Variants in DTNBP1 observed in about 807,000 individuals in gnomAD.
DTNBP1 encodes dystrobrevin binding protein 1.
A neutral mutation model predicts 42.8 loss-of-function variants in DTNBP1; 35 were observed. The ratio of observed to expected loss-of-function variants is 0.82; its 90% CI spans 0.63 to 1.09. The LOEUF is 1.09. Ranked by LOEUF, DTNBP1 falls within the 50% of genes least tolerant of loss-of-function variation. DTNBP1 has a pLI of 0.00. For missense variants in DTNBP1, 457 were observed against 424.2 expected (o/e 1.08, Z -0.68); for synonymous variants, 171 against 162.2 (o/e 1.05, Z -0.41).
At chr6:15,646,776 C>T (rs1449758888) in intron 3 of DTNBP1, among the ~76,000 whole-genome samples, 1 of 152,004 alleles carries the variant, frequency 6.6e-6, no homozygotes, top group Non-Finnish European at 1.5e-5. Context: ...GGAAAGGACA[C>T]CCTATTCAAT....
chr6:15,592,337 G>C (rs1457906502), intron 7 of DTNBP1, among the ~76,000 whole-genome samples: 1 of 152,202 alleles, frequency 6.6e-6, no homozygotes, highest in Non-Finnish European at 1.5e-5. Flanking sequence ...AATCTCTCGA[G>C]AATAGGATTT....
At chr6:15,540,186 G>A (rs561460734) in intron 7 of DTNBP1, among the ~76,000 whole-genome samples, 2 of 151,224 alleles carry the variant, frequency 1.3e-5, no homozygotes, top group Admixed American at 6.6e-5. Flanking sequence ...AATTTAGAGT[G>A]TACTCGTAAG....
intron 7 of DTNBP1, 176 bp from the exon 8 acceptor site, chr6:15,533,571 T>G: frequency 2.9e-6 from 3 of 1,027,852 alleles, no homozygotes; most frequent in Non-Finnish European, 4.5e-6. Flanking sequence ...TCTGCTGCAC[T>G]TCCTCCCCCT....
intron 6 of DTNBP1, among the ~76,000 whole-genome samples, chr6:15,594,079 A>T (rs955596109): frequency 6.6e-6 from 1 of 152,134 alleles, no homozygotes; most frequent in Non-Finnish European, 1.5e-5. Flanking sequence ...TGGTCATCCC[A>T]CTCCGTTTTT....
At chr6:15,589,554 CTG>C (rs1233456340) in intron 7 of DTNBP1, among the ~76,000 whole-genome samples, 1 of 152,374 alleles carries the variant, frequency 6.6e-6, no homozygotes, top group African/African-American at 2.4e-5. Flanking sequence ...ATTTCCAACT[CTG>C]TGTTAACCAA....
intron 2 of DTNBP1, 35 bp downstream of exon 2, chr6:15,652,052 G>A (rs1229769401): frequency 6.3e-7 from 1 of 1,595,192 alleles, no homozygotes; most frequent in Non-Finnish European, 8.6e-7. Flanking sequence ...TGAAATTTAA[G>A]TCACAGTTAA....
At chr6:15,582,534 G>A (rs1421156912) in intron 7 of DTNBP1, among the ~76,000 whole-genome samples, 1 of 152,034 alleles carries the variant, frequency 6.6e-6, no homozygotes, top group Non-Finnish European at 1.5e-5. Context: ...ACCTATAATG[G>A]TATGACTGAT....
At chr6:15,661,087 G>C (rs1761586538) in intron 1 of DTNBP1, among the ~76,000 whole-genome samples, 1 of 152,218 alleles carries the variant, frequency 6.6e-6, no homozygotes, top group African/African-American at 2.4e-5. Context: ...TTGACGCATG[G>C]TAAGTGCTCA....
chr6:15,614,724 CAATT>C (rs1398373696), intron 6 of DTNBP1, among the ~76,000 whole-genome samples: 3 of 152,176 alleles, frequency 2.0e-5, no homozygotes, highest in African/African-American at 7.2e-5. Context: ...AATTAGGTAA[CAATT>C]AATTCATTTA....
intron 6 of DTNBP1, among the ~76,000 whole-genome samples, chr6:15,611,675 G>C (rs951337655): frequency 5.3e-5 from 8 of 152,190 alleles, no homozygotes; most frequent in African/African-American, 1.9e-4. Context: ...TTTTGAAGAA[G>C]TGGATTCCAA....
At chr6:15,545,131 C>G (rs551443344) in intron 7 of DTNBP1, among the ~76,000 whole-genome samples, 84 of 152,074 alleles carry the variant, frequency 5.5e-4, no homozygotes, top group African/African-American at 2.0e-3. Context: ...TCTCCTGCCC[C>G]CACTTAAACA....
At chr6:15,662,346 G>A (rs1239575591) in intron 1 of DTNBP1, among the ~76,000 whole-genome samples, 1 of 152,234 alleles carries the variant, frequency 6.6e-6, no homozygotes, top group Non-Finnish European at 1.5e-5. Context: ...TGGCCGGAGG[G>A]TGCAGGCTGC....
intron 1 of DTNBP1, 68 bp from the exon 2 acceptor site, chr6:15,652,208 G>T (rs767913194): frequency 1.5e-6 from 2 of 1,298,870 alleles, no homozygotes; most frequent in East Asian, 2.5e-5. Flanking sequence ...TTGAGACAGG[G>T]TCTCACTCTG....
chr6:15,599,407 G>C (rs1028705435), intron 6 of DTNBP1, among the ~76,000 whole-genome samples: 2 of 152,122 alleles, frequency 1.3e-5, no homozygotes, highest in Non-Finnish European at 2.9e-5. Flanking sequence ...ACAGAACTGG[G>C]AATAAAACCC....
intron 3 of DTNBP1, 134 bp from the exon 4 acceptor site, chr6:15,637,938 C>T (rs1437796848): frequency 1.1e-6 from 1 of 935,530 alleles, no homozygotes; most frequent in African/African-American, 1.6e-5. Context: ...GTTGCAAGGA[C>T]ACAGACGTCA....
intron 7 of DTNBP1, among the ~76,000 whole-genome samples, chr6:15,555,970 C>T (rs1303522155): frequency 6.6e-6 from 1 of 152,012 alleles, no homozygotes; most frequent in East Asian, 1.9e-4. Context: ...AAACCCCGAC[C>T]CAAAAGAATA....
chr6:15,536,058 G>A (rs1773210243), intron 7 of DTNBP1, among the ~76,000 whole-genome samples: 1 of 152,220 alleles, frequency 6.6e-6, no homozygotes, highest in African/African-American at 2.4e-5. Flanking sequence ...ACATGACCTG[G>A]ATTATTCTGA....
chr6:15,631,715 G>A (rs2113752535), intron 4 of DTNBP1, among the ~76,000 whole-genome samples: 1 of 152,232 alleles, frequency 6.6e-6, no homozygotes, highest in Non-Finnish European at 1.5e-5. Context: ...ATTGCCCAGG[G>A]CCTAGGGTAA....
chr6:15,536,661 C>G (rs566611353), intron 7 of DTNBP1, among the ~76,000 whole-genome samples: 20 of 152,346 alleles, frequency 1.3e-4, no homozygotes, highest in African/African-American at 3.4e-4. Flanking sequence ...TCTATTAGGG[C>G]AGTGCAAATG....
Sources: allele counts gnomAD v4.1 joint callset (sites outside exome capture counted in the v4.1 genomes callset), GRCh38; gene constraint gnomAD v4.1.1; transcripts MANE v1.5; gene names NCBI Gene and HGNC (gene_info 2026-07-23, HGNC 2026-07-21).